The following FRS2 variants were observed in gnomAD, a reference collection of about 807,000 sequenced individuals.
FRS2 encodes FGFR signalling adaptor.
Under a neutral mutation model 43.9 loss-of-function variants are expected in FRS2, and 8 were observed. The observed-to-expected ratio is 0.18, with a 90% CI of 0.11 to 0.33. FRS2 has a LOEUF of 0.33. Ranked by LOEUF, FRS2 falls within the 10% of genes least tolerant of loss-of-function variation. FRS2 has a pLI of 1.00. For missense variants in FRS2, 534 were observed against 627.6 expected, an observed-to-expected ratio of 0.85 and a Z score of 1.59; for synonymous variants, 219 against 220.3, an observed-to-expected ratio of 0.99 and a Z score of 0.05.
Position 69,490,023 on chromosome 12 carries a change from C to G in FRS2, c.-261+19493C>G, listed in dbSNP as rs975198188. 1.2e-4 allele frequency among the ~76,000 whole-genome samples: 18 copies of G among 151,960 alleles called. No homozygotes were observed. The East Asian group carries it at 1.9e-3, about 16-fold the overall frequency. On this transcript the variant is annotated intron_variant, in intron 1 of 8. Transcript: ENST00000549921. ...AATAGGTCGTCAAGTCTAAAACATA[C>G]TGATGTAGCAGTATGTTCAGATGGC...
intron 1 of FRS2, among the ~76,000 whole-genome samples, chr12:69,508,466 A>G (rs184737206): frequency 7.0e-4 from 107 of 152,332 alleles, no homozygotes; most frequent in Non-Finnish European, 1.3e-3. Context: ...TGGCCTCACT[A>G]TTACTGGAAG....
intron 1 of FRS2, among the ~76,000 whole-genome samples, chr12:69,484,145 T>C (rs1181386511): frequency 1.3e-5 from 2 of 151,480 alleles, no homozygotes; most frequent in African/African-American, 4.8e-5. Context: ...AGTGCAGTGG[T>C]GCAATCTCGG....
At chr12:69,573,763 T>A (rs1880955994) in intron 8 of FRS2, among the ~76,000 whole-genome samples, 1 of 152,358 alleles carries the variant, frequency 6.6e-6, no homozygotes. Flanking sequence ...GCGCCCAGCC[T>A]GCGTGTTATT....
At chr12:69,550,023 A>T (rs1040577220) in intron 3 of FRS2, among the ~76,000 whole-genome samples, 2 of 152,082 alleles carry the variant, frequency 1.3e-5, no homozygotes, top group Admixed American at 1.3e-4. Context: ...CCGTAAGTTG[A>T]TGGCTCCCAA....
At chr12:69,517,623 A>G (rs1038148992) in intron 1 of FRS2, among the ~76,000 whole-genome samples, 5 of 140,584 alleles carry the variant, frequency 3.6e-5, no homozygotes, top group African/African-American at 1.4e-4. Context: ...GAATTCTGCC[A>G]TTCCTAAAGG....
intron 1 of FRS2, among the ~76,000 whole-genome samples, chr12:69,504,041 T>C (rs1178070876): frequency 6.6e-6 from 1 of 152,178 alleles, no homozygotes; most frequent in African/African-American, 2.4e-5. Context: ...CCGTCTCTAC[T>C]AAAAACACAG....
intron 1 of FRS2, among the ~76,000 whole-genome samples, chr12:69,508,805 G>T (rs1874192616): frequency 6.6e-6 from 1 of 152,066 alleles, no homozygotes; most frequent in Non-Finnish European, 1.5e-5. Context: ...TTAGATAGTA[G>T]CTACTGACTT....
rs1881355880 is a variant in FRS2, at chr12:69,578,752, T to C, written c.*3797T>C. 6.6e-6 allele frequency: 1 copy of C among 152,654 alleles called. No individual in the cohort carries two copies. The highest frequency in any genetic ancestry group is 1.5e-5 in the Non-Finnish European group (1 of 68,032). The allele number at this position is 152,654 out of a possible 1,614,324, so 9.5% of individuals were successfully genotyped here. A position where few individuals can be genotyped will look rare whatever the true frequency, so the allele number is the denominator to read the frequency against. ...TCCTAATTTGCATTATAAATGTTTT[T>C]TTCCTACGTAAAGGCATAAATATAG... On this transcript the variant is annotated 3_prime_UTR_variant, in exon 9 of 9. Transcript: ENST00000549921.
chr12:69,471,261 A>T (rs2120530881), intron 1 of FRS2, among the ~76,000 whole-genome samples: 1 of 151,632 alleles, frequency 6.6e-6, no homozygotes, highest in South Asian at 2.1e-4. Flanking sequence ...TTTTGCAGAC[A>T]TACTAAAAAA....
At chr12:69,490,143 C>T (rs1293518532) in intron 1 of FRS2, among the ~76,000 whole-genome samples, 2 of 152,160 alleles carry the variant, frequency 1.3e-5, no homozygotes, top group African/African-American at 4.8e-5. Flanking sequence ...TTCCCCATGT[C>T]AAGAATATGC....
At chr12:69,473,775 C>T (rs1870519059) in intron 1 of FRS2, among the ~76,000 whole-genome samples, 1 of 152,034 alleles carries the variant, frequency 6.6e-6, no homozygotes, top group Non-Finnish European at 1.5e-5. Flanking sequence ...TCTGCAGGAC[C>T]TCAATGTCGT....
chr12:69,570,629 CAG>C (rs1413982373), intron 6 of FRS2, 112 bp downstream of exon 6: 1 of 663,976 alleles, frequency 1.5e-6, no homozygotes, highest in East Asian at 2.7e-5. Context: ...CCAAAATAAA[CAG>C]ATTGTTAAGG....
rs995818894 is a variant in FRS2, at chr12:69,507,263, C to T, written c.-260-23602C>T. 2.6e-5 allele frequency among the ~76,000 whole-genome samples: 4 copies of T among 152,190 alleles called. No homozygotes were observed. The East Asian group carries it at 7.7e-4, about 29-fold the overall frequency. On this transcript the variant is annotated intron_variant, in intron 1 of 8. Transcript: ENST00000549921. ...GTGCAGGAGGAGTATGCCTTTCTTTCTGTCATGTTCCGACACATAATAGGC... is the reference window on the plus strand; with the variant it reads ...GTGCAGGAGGAGTATGCCTTTCTTTTTGTCATGTTCCGACACATAATAGGC...
intron 1 of FRS2, among the ~76,000 whole-genome samples, chr12:69,515,726 C>G (rs1331596373): frequency 6.7e-6 from 1 of 150,322 alleles, no homozygotes; most frequent in East Asian, 1.9e-4. Flanking sequence ...GGTTGAAAAA[C>G]AATTAAAATT....
At chr12:69,543,173 A>G (rs1878069866) in intron 3 of FRS2, among the ~76,000 whole-genome samples, 1 of 152,220 alleles carries the variant, frequency 6.6e-6, no homozygotes, top group Non-Finnish European at 1.5e-5. Flanking sequence ...CAGTTTACAG[A>G]CAAATCTAAG....
At position 69,513,524 on chromosome 12, in the gene FRS2, A is replaced by G. The variant is rs554726718; in HGVS notation, c.-260-17341A>G. On this transcript the variant is annotated intron_variant, in intron 1 of 8. Coordinates refer to ENST00000549921, the MANE Select transcript of FRS2 (RefSeq NM_001278356.2). ...GGAAAAAGCATTACTGAACTGTAAA[A>G]TAGACCTGCAGAGAAATCTGGCAGA... is the stretch of plus-strand genomic sequence containing the variant. Among the ~76,000 whole-genome samples, 37 of 152,306 alleles carry G rather than the reference A, an allele frequency of 2.4e-4. 1 individual carries two copies. The highest frequency in any genetic ancestry group is 4.1e-4 in the Non-Finnish European group (28 of 68,030).
At chr12:69,566,839 A>G (rs141156123) in intron 4 of FRS2, among the ~76,000 whole-genome samples, 1 of 152,320 alleles carries the variant, frequency 6.6e-6, no homozygotes, top group South Asian at 2.1e-4. Flanking sequence ...TCAAGTCTCA[A>G]ATCTAGGGAA....
chr12:69,522,190 T>TGTGTG (rs1211781925), intron 1 of FRS2, among the ~76,000 whole-genome samples: 5 of 134,714 alleles, frequency 3.7e-5, no homozygotes, highest in African/African-American at 1.1e-4. Context: ...GAAGTTTTCT[T>TGTGTG]TGTGTGTGTG....
intron 4 of FRS2, among the ~76,000 whole-genome samples, chr12:69,564,692 C>T (rs977758003): frequency 3.9e-5 from 6 of 152,012 alleles, no homozygotes; most frequent in African/African-American, 1.4e-4. Context: ...AGGTTTTTAT[C>T]ATATTTCATT....
Sources: gnomAD v4.1 joint callset for allele counts (sites outside exome capture counted in the v4.1 genomes callset) on GRCh38, gnomAD v4.1.1 for gene constraint, MANE v1.5 for transcripts, NCBI Gene and HGNC (gene_info 2026-07-23, HGNC 2026-07-21) for gene names.